IMMP2L: variants seen among roughly 807,000 people sequenced by gnomAD.
The protein encoded by IMMP2L is mitochondrial inner membrane protease subunit 2.
In IMMP2L, 18 loss-of-function variants were observed where a neutral mutation model predicts 19.3. The ratio of observed to expected loss-of-function variants is 0.93; its 90% CI spans 0.64 to 1.38. The LOEUF (loss-of-function observed/expected upper bound fraction) is 1.38, where lower values mean the gene tolerates loss of function less well. IMMP2L is among the 40% of genes most tolerant of loss of function. The probability of loss-of-function intolerance (pLI) is 0.00; values close to 1 mark genes in which losing one functional copy is unlikely to be tolerated. For synonymous variants in IMMP2L, 76 were observed against 73.0 expected (o/e 1.04, Z -0.21); for missense variants, 233 against 218.2 (o/e 1.07, Z -0.43).
intron 5 of IMMP2L, among the ~76,000 whole-genome samples, chr7:110,865,955 T>G (rs142760410): frequency 1.3e-5 from 2 of 151,952 alleles, no homozygotes; most frequent in Non-Finnish European, 2.9e-5. Flanking sequence ...TCAAAGTACA[T>G]TCAGGTATTG....
chr7:110,979,073 T>TA (rs1820986209), intron 3 of IMMP2L, among the ~76,000 whole-genome samples: 1 of 152,104 alleles, frequency 6.6e-6, no homozygotes, highest in African/African-American at 2.4e-5. Flanking sequence ...GTATTACAGT[T>TA]AGAGATGATC....
At chr7:111,418,487 T>C (rs959448546) in intron 3 of IMMP2L, among the ~76,000 whole-genome samples, 4 of 151,840 alleles carry the variant, frequency 2.6e-5, no homozygotes, top group Non-Finnish European at 5.9e-5. Flanking sequence ...TTCTGCTCAC[T>C]CTGGACCTAA....
chr7:111,328,599 A>G (rs1212755777), intron 3 of IMMP2L, among the ~76,000 whole-genome samples: 1 of 151,892 alleles, frequency 6.6e-6, no homozygotes, highest in Non-Finnish European at 1.5e-5. Flanking sequence ...TAAAAACTAG[A>G]GGTGTGTTAC....
At chr7:111,204,445 C>T (rs549726432) in intron 3 of IMMP2L, among the ~76,000 whole-genome samples, 1 of 152,024 alleles carries the variant, frequency 6.6e-6, no homozygotes, top group Non-Finnish European at 1.5e-5. Flanking sequence ...ATATGCTGTA[C>T]AGTTTTCCAA....
chr7:110,786,623 C>T (rs186066416), intron 5 of IMMP2L, among the ~76,000 whole-genome samples: 5 of 152,116 alleles, frequency 3.3e-5, no homozygotes, highest in African/African-American at 1.2e-4. Flanking sequence ...ATATACAACA[C>T]TTCATTGTAC....
At chr7:111,175,484 A>G (rs1806942774) in intron 3 of IMMP2L, among the ~76,000 whole-genome samples, 1 of 151,852 alleles carries the variant, frequency 6.6e-6, no homozygotes, top group Non-Finnish European at 1.5e-5. Context: ...GCAAAAATAC[A>G]TATTCCATTA....
chr7:110,871,262 G>C (rs926417201), intron 5 of IMMP2L, among the ~76,000 whole-genome samples: 1 of 152,078 alleles, frequency 6.6e-6, no homozygotes, highest in Non-Finnish European at 1.5e-5. Context: ...ATCCAAGTGT[G>C]ATACCATCTG....
At chr7:111,509,492 T>C (rs1845247701) in intron 2 of IMMP2L, among the ~76,000 whole-genome samples, 1 of 152,128 alleles carries the variant, frequency 6.6e-6, no homozygotes, top group Non-Finnish European at 1.5e-5. Flanking sequence ...CCTTGTAAGC[T>C]TCCCTCCAGC....
At chr7:110,811,115 C>T (rs1881170) in intron 5 of IMMP2L, among the ~76,000 whole-genome samples, 146,278 of 152,100 alleles carry the variant, frequency 0.96, 70,360 homozygotes, top group East Asian at 0.98. Flanking sequence ...TTTTGATTTG[C>T]TTGACATGTA....
intron 5 of IMMP2L, among the ~76,000 whole-genome samples, chr7:110,837,492 A>C (rs1804615510): frequency 6.6e-6 from 1 of 152,140 alleles, no homozygotes; most frequent in South Asian, 2.1e-4. Flanking sequence ...ACTATGCTGC[A>C]GATGATTTTA....
Position 110,760,357 on chromosome 7 carries a change from C to T in IMMP2L, c.409-96636G>A, listed in dbSNP as rs1303396146. Among the ~76,000 whole-genome samples the T allele has an allele frequency of 6.6e-6, 1 of 152,056 alleles. No individual in the cohort carries two copies. The highest frequency in any genetic ancestry group is 1.5e-5 in the Non-Finnish European group (1 of 68,004). On this transcript the variant is annotated intron_variant, in intron 5 of 5. Coordinates refer to ENST00000405709, the MANE Select transcript of IMMP2L (RefSeq NM_032549.4). The surrounding 1 kb of genome is among the most constrained non-coding windows in gnomAD (Gnocchi z 4.2). ...AATCTGTATAGTGTTCAGGAAACTA[C>T]AATAATTCAGCAATAGATGAAAATG...
rs1254533512 is a variant in IMMP2L, at chr7:111,417,013, A to G, written c.239+70225T>C. Among the ~76,000 whole-genome samples, 4 of 151,810 alleles carry G rather than the reference A, an allele frequency of 2.6e-5. No homozygotes were observed. In the East Asian group the frequency reaches 7.7e-4, roughly 29 times the overall value. The stretch of plus-strand genomic sequence containing the variant: ...AAAATAATTTAAAGTACATAAAATT[A>G]AAGATTCACTTTCTTAGTTGCACTC... On this transcript the variant is annotated intron_variant, in intron 3 of 5. Coordinates refer to ENST00000405709, the MANE Select transcript of IMMP2L (RefSeq NM_032549.4).
chr7:111,352,179 C>A (rs1828229983), intron 3 of IMMP2L, among the ~76,000 whole-genome samples: 1 of 151,998 alleles, frequency 6.6e-6, no homozygotes. Flanking sequence ...ATAAAACCTA[C>A]AGGAATGGTA....
At chr7:110,841,548 T>C (rs28437975) in intron 5 of IMMP2L, among the ~76,000 whole-genome samples, 5,218 of 152,222 alleles carry the variant, frequency 0.034, 204 homozygotes, top group African/African-American at 0.096. Context: ...CACATGAATA[T>C]GTTCATGCTT....
At chr7:111,484,281 A>G (rs976975609) in intron 3 of IMMP2L, among the ~76,000 whole-genome samples, 3 of 152,182 alleles carry the variant, frequency 2.0e-5, no homozygotes, top group African/African-American at 7.2e-5. Flanking sequence ...CTGGTTATAA[A>G]GTTGAATAAG....
chr7:110,851,922 C>G (rs530292088), intron 5 of IMMP2L, among the ~76,000 whole-genome samples: 3 of 152,158 alleles, frequency 2.0e-5, no homozygotes, highest in East Asian at 3.9e-4. Context: ...CTTCTAAGAG[C>G]TGGAGTCTAC....
intron 3 of IMMP2L, among the ~76,000 whole-genome samples, chr7:111,040,734 T>A (rs1287666766): frequency 6.7e-6 from 1 of 148,786 alleles, no homozygotes; most frequent in Non-Finnish European, 1.5e-5. Context: ...TATATAATTA[T>A]ATAAAATCTT....
At chr7:110,747,138 T>C (rs376084786) in intron 5 of IMMP2L, among the ~76,000 whole-genome samples, 10 of 151,992 alleles carry the variant, frequency 6.6e-5, no homozygotes, top group Admixed American at 5.9e-4. Context: ...CACAAATAAA[T>C]AGAAAATCTA....
chr7:110,820,983 A>C (rs913939968), intron 5 of IMMP2L, among the ~76,000 whole-genome samples: 12 of 152,114 alleles, frequency 7.9e-5, no homozygotes, highest in Admixed American at 1.3e-4. Context: ...ACTGTCTCTG[A>C]TGATGATTGT....
Sources: gnomAD v4.1 joint callset for allele counts (sites outside exome capture counted in the v4.1 genomes callset) on GRCh38, gnomAD v4.1.1 for gene constraint, Gnocchi (gnomAD v3.1) non-coding constraint, MANE v1.5 for transcripts, NCBI Gene and HGNC (gene_info 2026-07-23, HGNC 2026-07-21) for gene names.